Variants in RANBP2 observed in about 807,000 individuals in gnomAD.
RANBP2 encodes the protein E3 SUMO-protein ligase RanBP2.
Under a neutral mutation model 303.6 loss-of-function variants are expected in RANBP2, and 57 were observed. The ratio of observed to expected loss-of-function variants is 0.19; its 90% CI spans 0.15 to 0.23. RANBP2 has a LOEUF of 0.23. RANBP2 is among the 10% of genes least tolerant of loss of function. The probability of loss-of-function intolerance (pLI) is 1.00; values close to 1 mark genes in which losing one functional copy is unlikely to be tolerated. For synonymous variants in RANBP2, 1,167 were observed against 1,301.5 expected (o/e 0.90, Z 2.23); for missense variants, 3,138 against 3,780.8 (o/e 0.83, Z 4.46).
At chr2:109,316,049 T>C in the RANBP2 span, among the ~76,000 whole-genome samples, 1 of 152,154 alleles carries the variant, frequency 6.6e-6, no homozygotes, top group Non-Finnish European at 1.5e-5. Flanking sequence ...TTCCCAGTAT[T>C]TAGAGATTAG....
Position 108,782,685 on chromosome 2 carries a change from T to C in RANBP2, c.9192T>C (p.Pro3064=). ...CAGAATTATCAAAGGAGACCAATCC[T>C]GTGGTGTTTTTTGATGTTTGTGCGG... ...LAAELSKETN[P]VVFFDVCADG... The change falls in exon 28 of 29, where the codon CCT becomes CCC. Residue 3064 remains proline, a synonymous_variant. Coordinates refer to ENST00000283195, the MANE Select transcript of RANBP2 (RefSeq NM_006267.5). 6.2e-7 allele frequency: 1 copy of C among 1,614,220 alleles called. No individual in the cohort carries two copies. Among genetic ancestry groups the C allele is most frequent in the Non-Finnish European group, 8.5e-7 (1 of 1,180,040 alleles).
the RANBP2 span, chr2:109,574,782 A>G: frequency 1.2e-5 from 18 of 1,553,796 alleles, no homozygotes; most frequent in Non-Finnish European, 1.5e-5. Context: ...AAAATTATTT[A>G]AATGTTTAAT....
At chr2:108,747,707 G>GT (rs984280360) in intron 8 of RANBP2, among the ~76,000 whole-genome samples, 2 of 152,124 alleles carry the variant, frequency 1.3e-5, no homozygotes, top group African/African-American at 4.8e-5. Flanking sequence ...GGGTGCCTCT[G>GT]TAAGTGTGCT....
intron 1 of RANBP2, chr2:108,720,031 G>C: frequency 1.0e-6 from 1 of 985,276 alleles, no homozygotes; most frequent in East Asian, 1.1e-4. Flanking sequence ...GGGCACCCGG[G>C]TGCTGTATCG....
At chr2:108,787,158 T>G (rs1041709529), downstream of RANBP2, among the ~76,000 whole-genome samples, 1 of 152,192 alleles carries the variant, frequency 6.6e-6, no homozygotes, top group Non-Finnish European at 1.5e-5. Context: ...TGGTGTGGTG[T>G]TGGAGAAAGT....
chr2:109,124,004 ATTTATTTATTTATTT>A, the RANBP2 span, among the ~76,000 whole-genome samples: 1 of 139,740 alleles, frequency 7.2e-6, no homozygotes, highest in South Asian at 2.4e-4. Flanking sequence ...TTATTTATTT[ATTTATTTATTTATTT>A]ATTATTTTTT....
the RANBP2 span, chr2:109,313,422 G>A: frequency 6.5e-6 from 1 of 153,280 alleles, no homozygotes; most frequent in Non-Finnish European, 1.5e-5. Context: ...GCTCATGAGA[G>A]GCATGGATAC....
intron 25 of RANBP2, among the ~76,000 whole-genome samples, chr2:108,780,330 TTA>T: frequency 1.3e-5 from 2 of 150,042 alleles, no homozygotes; most frequent in Non-Finnish European, 3.0e-5. Context: ...GTAGCTGGGA[TTA>T]CAGGCACCCG....
chr2:108,793,581 G>A, the RANBP2 span, among the ~76,000 whole-genome samples: 1 of 151,552 alleles, frequency 6.6e-6, no homozygotes, highest in African/African-American at 2.4e-5. Flanking sequence ...ATACCCTCAG[G>A]AAACTTTTTT....
chr2:108,994,638 TTCC>T, the RANBP2 span, among the ~76,000 whole-genome samples: 1 of 151,980 alleles, frequency 6.6e-6, no homozygotes, highest in Non-Finnish European at 1.5e-5. Context: ...AAATTCATCC[TTCC>T]AATAGGCAAG....
the RANBP2 span, among the ~76,000 whole-genome samples, chr2:109,373,894 A>G: frequency 6.6e-6 from 1 of 152,152 alleles, no homozygotes; most frequent in East Asian, 1.9e-4. Flanking sequence ...AGAAGCTGTC[A>G]GGCACCATTG....
At chr2:109,278,070 A>G in the RANBP2 span, among the ~76,000 whole-genome samples, 2 of 150,948 alleles carry the variant, frequency 1.3e-5, no homozygotes, top group Non-Finnish European at 2.9e-5. Context: ...CCAGCTACTC[A>G]GAAGGCTGAG....
At chr2:109,111,379 T>C in the RANBP2 span, among the ~76,000 whole-genome samples, 1 of 152,196 alleles carries the variant, frequency 6.6e-6, no homozygotes, top group African/African-American at 2.4e-5. Flanking sequence ...CTACTGAGCA[T>C]TTGAATATCA....
At chr2:109,279,885 T>G in the RANBP2 span, among the ~76,000 whole-genome samples, 3 of 142,288 alleles carry the variant, frequency 2.1e-5, no homozygotes, top group East Asian at 2.1e-4. Context: ...CCCTGGGGGG[T>G]GAGAGAGGAC....
At chr2:109,437,225 C>T in the RANBP2 span, 1 of 1,503,658 alleles carries the variant, frequency 6.7e-7, no homozygotes, top group East Asian at 2.4e-5. Flanking sequence ...ACATCTTGGC[C>T]CAAGGCTCCA....
At chr2:109,635,699 T>C in the RANBP2 span, among the ~76,000 whole-genome samples, 84 of 152,272 alleles carry the variant, frequency 5.5e-4, no homozygotes, top group East Asian at 0.014. Context: ...GAAAACTGGA[T>C]TGTGCAGATG....
the RANBP2 span, among the ~76,000 whole-genome samples, chr2:109,672,543 C>A: frequency 6.6e-6 from 1 of 152,126 alleles, no homozygotes; most frequent in African/African-American, 2.4e-5. Flanking sequence ...TCTTTAAGAA[C>A]CTGCAGTGTT....
chr2:109,506,267 G>A, the RANBP2 span, among the ~76,000 whole-genome samples: 10 of 152,348 alleles, frequency 6.6e-5, no homozygotes, highest in South Asian at 1.2e-3. Context: ...GACAGGTGGT[G>A]TACCTGAACT....
At chr2:109,712,293 C>T in the RANBP2 span, among the ~76,000 whole-genome samples, 1 of 152,188 alleles carries the variant, frequency 6.6e-6, no homozygotes, top group Non-Finnish European at 1.5e-5. Flanking sequence ...TCTGGTCACT[C>T]ATTCTCAGGC....
Sources: gnomAD v4.1 joint callset for allele counts (sites outside exome capture counted in the v4.1 genomes callset) on GRCh38, gnomAD v4.1.1 for gene constraint, MANE v1.5 for transcripts, NCBI Gene and HGNC (gene_info 2026-07-23, HGNC 2026-07-21) for gene names.